Variants in LTV1 observed in about 807,000 individuals in gnomAD.
LTV1 encodes the protein LTV1 ribosome biogenesis factor.
In LTV1, 39 loss-of-function variants were observed where a neutral mutation model predicts 59.9. The ratio of observed to expected loss-of-function variants is 0.65; its 90% CI spans 0.50 to 0.85. The LOEUF (loss-of-function observed/expected upper bound fraction) is 0.85. Among genes scored for constraint, LTV1 ranks in the 40% least tolerant of loss-of-function variants. The pLI is 0.00. For synonymous variants in LTV1, 171 were observed against 189.5 expected, an observed-to-expected ratio of 0.90 and a Z score of 0.80; for missense variants, 493 against 549.1, an observed-to-expected ratio of 0.90 and a Z score of 1.02.
At chr6:143,853,550 T>A (rs1047943146) in intron 4 of LTV1, among the ~76,000 whole-genome samples, 2 of 152,228 alleles carry the variant, frequency 1.3e-5, no homozygotes, top group Non-Finnish European at 2.9e-5. Context: ...TTGTGCCGGT[T>A]TTCAAAGGGA....
chr6:143,850,142 T>G lies in LTV1; in HGVS notation c.321T>G (p.Ile107Met). 6.2e-7 allele frequency: 1 copy of G among 1,613,358 alleles called. No homozygotes were observed. The highest frequency in any genetic ancestry group is 8.5e-7 in the Non-Finnish European group (1 of 1,179,552). The change falls in exon 4 of 11, where the codon ATT (isoleucine) becomes ATG (methionine). Residue 107 changes from isoleucine (I) to methionine (M), a missense_variant. Transcript: ENST00000367576. ...ATTTCTTTTTCAAGAGCACTGGAAT[T>G]AAGTTGCCTTCATCAGTGTTTGCTT... ...EETLVIPSTG[I>M]KLPSSVFASE... is the part of the protein sequence containing the mutation.
rs1305719378 is a variant in LTV1, at chr6:143,857,234, T to C, written c.398-69T>C. ...AGACTCTTGCTATCATAGGTCCTTA[T>C]ATTGTGAGTTAAGTGAATGAATTGT... On this transcript the variant is annotated intron_variant, in intron 4 of 10. Transcript: ENST00000367576. The surrounding 1 kb of genome is among the most constrained non-coding windows in gnomAD (Gnocchi z 5.2). 1.3e-6 allele frequency: 2 copies of C among 1,580,408 alleles called. No homozygotes were observed. The highest frequency in any genetic ancestry group is 1.7e-6 in the Non-Finnish European group (2 of 1,155,604).
Position 143,844,625 on chromosome 6 carries a change from C to G in LTV1, c.135+8C>G, listed in dbSNP as rs1428800762. Reference sequence around the variant, plus strand: ...CTATTGCCCACACAAAAAGTAGGTCCTGTTCTTTAGCCAGTCAGTTTGTAG... The same window carrying G: ...CTATTGCCCACACAAAAAGTAGGTCGTGTTCTTTAGCCAGTCAGTTTGTAG... On this transcript the variant is annotated splice_region_variant and intron_variant, in intron 2 of 10. Coordinates refer to ENST00000367576, the MANE Select transcript of LTV1 (RefSeq NM_032860.5). The G allele has an allele frequency of 6.8e-6, 11 of 1,609,186 alleles. No homozygotes were observed. Among genetic ancestry groups the G allele is most frequent in the Non-Finnish European group, 9.3e-6 (11 of 1,178,622 alleles).
Position 143,862,206 on chromosome 6 carries a change from A to G in LTV1, c.1026A>G (p.Glu342=), listed in dbSNP as rs753363824. 2 of 1,613,700 alleles carry G rather than the reference A, an allele frequency of 1.2e-6. No homozygotes were observed. Among genetic ancestry groups the G allele is most frequent in the Admixed American group, 3.3e-5 (2 of 60,012 alleles). The part of the protein sequence containing the change: ...EEEEMITVVL[E]EAKEKWDCES... Reference sequence around the variant, plus strand: ...AAGAAATGATTACTGTAGTCCTTGAAGAAGCCAAAGAGAAGTGGGATTGTG... The same window carrying G: ...AAGAAATGATTACTGTAGTCCTTGAGGAAGCCAAAGAGAAGTGGGATTGTG... Residue 342 remains glutamate (E), a synonymous_variant, in exon 8 of 11, where the codon GAA becomes GAG. Transcript: ENST00000367576. The surrounding 1 kb of genome is among the most constrained non-coding windows in gnomAD (Gnocchi z 4.2).
chr6:143,862,782 A>G lies in LTV1; in HGVS notation c.1064-62A>G, dbSNP rs760613937. The G allele has an allele frequency of 2.4e-5, 24 of 1,000,258 alleles. No individual in the cohort carries two copies. Among genetic ancestry groups the G allele is most frequent in the Non-Finnish European group, 3.5e-5 (22 of 622,490 alleles). 62.0% of individuals were successfully genotyped at this position (1,000,258 alleles called of 1,614,324 possible). On this transcript the variant is annotated intron_variant, in intron 8 of 10. Transcript: ENST00000367576. This position sits in a 1 kb window ranked among gnomAD's most constrained non-coding sequence, Gnocchi z 4.2. ...AAGGTCAGAAATATAGTAGGAATTCAGTAATGCTTTGTGGAACTGAAAACA... is the reference window on the plus strand; with the variant it reads ...AAGGTCAGAAATATAGTAGGAATTCGGTAATGCTTTGTGGAACTGAAAACA...
At position 143,855,387 on chromosome 6, in the gene LTV1, A is replaced by C. The variant is rs1237232475; in HGVS notation, c.398-1916A>C. 2.4e-4 allele frequency among the ~76,000 whole-genome samples: 37 copies of C among 151,482 alleles called. No homozygotes were observed. Among genetic ancestry groups the C allele is most frequent in the Admixed American group, 2.4e-3 (37 of 15,232 alleles). ...GAATACAGCACACTGATGGGTCTTG[A>C]CTCTTTATCCAATTTGCCAATCTGT... On this transcript the variant is annotated intron_variant, in intron 4 of 10. Coordinates refer to ENST00000367576, the MANE Select transcript of LTV1 (RefSeq NM_032860.5). The surrounding 1 kb of genome is among the most constrained non-coding windows in gnomAD (Gnocchi z 4.6).
intron 1 of LTV1, among the ~76,000 whole-genome samples, chr6:143,844,214 G>T (rs1259068817): frequency 6.6e-6 from 1 of 152,092 alleles, no homozygotes; most frequent in African/African-American, 2.4e-5. Context: ...TGATTTTCTT[G>T]CTAAGAACAG....
In LTV1 at chr6:143,843,359, G is replaced by A; in HGVS notation, c.-119G>A. 8.0e-7 allele frequency: 1 copy of A among 1,255,570 alleles called. No homozygotes were observed. The highest frequency in any genetic ancestry group is 1.2e-6 in the Non-Finnish European group (1 of 864,034). The allele number at this position is 1,255,570 out of a possible 1,614,324, so 77.8% of individuals were successfully genotyped here. On this transcript the variant is annotated 5_prime_UTR_variant, in exon 1 of 11. Transcript: ENST00000367576. Reference sequence around the variant, plus strand: ...CTGGGTGACGTTATCGCCGGGTCCTGGGGCTGCACGTGTGGTGAGGCCTAC... The same window carrying A: ...CTGGGTGACGTTATCGCCGGGTCCTAGGGCTGCACGTGTGGTGAGGCCTAC...
rs542658469 is a variant in LTV1, at chr6:143,852,032, C to G, written c.397+1814C>G. On this transcript the variant is annotated intron_variant, in intron 4 of 10. Coordinates refer to ENST00000367576, the MANE Select transcript of LTV1 (RefSeq NM_032860.5). ...TATTGTGAACAGTGCTACAATAAACCTACGTGTGCATGTGTCTTTATAGTA... is the reference window on the plus strand; with the variant it reads ...TATTGTGAACAGTGCTACAATAAACGTACGTGTGCATGTGTCTTTATAGTA... Among the ~76,000 whole-genome samples, 7 of 152,188 alleles carry G rather than the reference C, an allele frequency of 4.6e-5. No homozygotes were observed. In the South Asian group the frequency reaches 1.2e-3, roughly 27 times the overall value.
intron 4 of LTV1, among the ~76,000 whole-genome samples, chr6:143,851,466 G>A (rs550007058): frequency 1.3e-5 from 2 of 152,224 alleles, no homozygotes; most frequent in African/African-American, 4.8e-5. Context: ...GTTTCTTCTT[G>A]CAGACAAAAG....
In LTV1 at chr6:143,855,645, C is replaced by CA. The variant is rs1214355682; in HGVS notation, c.398-1654dup. 1.3e-5 allele frequency among the ~76,000 whole-genome samples: 2 copies of CA among 152,168 alleles called. No individual in the cohort carries two copies. Among genetic ancestry groups the CA allele is most frequent in the African/African-American group, 2.4e-5 (1 of 41,434 alleles). ...TCTTGTAAGGCAGGCCTGGTGGTGA[C>CA]AAAATCTCTCAGCATTTGCTTATCT... On this transcript the variant is annotated intron_variant, in intron 4 of 10. Transcript: ENST00000367576. This position sits in a 1 kb window ranked among gnomAD's most constrained non-coding sequence, Gnocchi z 4.6.
intron 6 of LTV1, among the ~76,000 whole-genome samples, chr6:143,858,928 A>G (rs1777120816): frequency 6.6e-6 from 1 of 152,152 alleles, no homozygotes; most frequent in Admixed American, 6.5e-5. Context: ...TTTTCCCTTT[A>G]CATATTCTAT....
In LTV1 at chr6:143,860,466, A is replaced by C. The variant is rs1194923776; in HGVS notation, c.836A>C (p.Asp279Ala). 7 of 1,613,540 alleles carry C rather than the reference A, an allele frequency of 4.3e-6. No individual in the cohort carries two copies. The highest frequency in any genetic ancestry group is 5.9e-6 in the Non-Finnish European group (7 of 1,179,746). Residue 279 changes from aspartate (D) to alanine (A), a missense_variant, in exon 7 of 11, where the codon GAT becomes GCT. Asp to Ala is a moderately radical substitution (Grantham distance 126, BLOSUM62 -2). Transcript: ENST00000367576. ...QYDDDEIGAL[D>A]NAELEGSIQV... is the part of the protein sequence containing the mutation. Reference sequence around the variant, plus strand: ...GATGATGATGAAATTGGAGCTCTGGATAATGCAGAATTGGAAGGTTCTATT... The same window carrying C: ...GATGATGATGAAATTGGAGCTCTGGCTAATGCAGAATTGGAAGGTTCTATT...
intron 4 of LTV1, among the ~76,000 whole-genome samples, chr6:143,854,645 G>A (rs937920103): frequency 8.3e-4 from 127 of 152,208 alleles, no homozygotes; most frequent in African/African-American, 2.9e-3. Context: ...GGTATGTTGT[G>A]TCTTTTTTCT....
In LTV1 at chr6:143,843,604, G is replaced by T. The variant is rs748112968; in HGVS notation, c.3+124G>T. The T allele has an allele frequency of 2.7e-4, 343 of 1,291,138 alleles. 1 individual carries two copies. Among genetic ancestry groups the T allele is most frequent in the Non-Finnish European group, 3.6e-4 (331 of 923,832 alleles). 80.0% of individuals were successfully genotyped at this position (1,291,138 alleles called of 1,614,324 possible). ...TCATGCCAGAGGCTGCTTGCGGCAC[G>T]GTACCCCGAAATGGGCCAACGTCAC... On this transcript the variant is annotated intron_variant, in intron 1 of 10. Transcript: ENST00000367576.
At position 143,857,823 on chromosome 6, in the gene LTV1, A is replaced by G. The variant is rs750830284; in HGVS notation, c.611A>G (p.Tyr204Cys). ...GAGAAGGGAGATAGCAATGATGACTATGACTCTGCAGGCCTATTGTCAGAT... is the reference window on the plus strand; with the variant it reads ...GAGAAGGGAGATAGCAATGATGACTGTGACTCTGCAGGCCTATTGTCAGAT... ...DDEKGDSNDDYDSAGLLSDED... is the reference protein window; with the variant it reads ...DDEKGDSNDDCDSAGLLSDED... Residue 204 changes from tyrosine to cysteine, a missense_variant, in exon 6 of 11, where the codon TAT becomes TGT. By Grantham distance (194) the Tyr-to-Cys change is radical (BLOSUM62 -2). Transcript: ENST00000367576. This position sits in a 1 kb window ranked among gnomAD's most constrained non-coding sequence, Gnocchi z 5.2. 20 of 1,614,004 alleles carry G rather than the reference A, an allele frequency of 1.2e-5. No homozygotes were observed. Among genetic ancestry groups the G allele is most frequent in the Middle Eastern group, 1.6e-4 (1 of 6,084 alleles).
At chr6:143,850,098 TAAAC>T in intron 3 of LTV1, 29 bp from the exon 4 acceptor site, 1 of 1,562,654 alleles carries the variant, frequency 6.4e-7, no homozygotes, top group Non-Finnish European at 8.8e-7. Context: ...AATTTCCAAA[TAAAC>T]CTAACCATTG....
At chr6:143,859,478 T>C (rs1777127830) in intron 6 of LTV1, among the ~76,000 whole-genome samples, 1 of 152,224 alleles carries the variant, frequency 6.6e-6, no homozygotes, top group Non-Finnish European at 1.5e-5. Flanking sequence ...TAAAATGGTG[T>C]CTTGGCATGT....
chr6:143,857,842 G>T lies in LTV1; in HGVS notation c.630G>T (p.Leu210Phe), dbSNP rs1253455364. 1.9e-6 allele frequency: 3 copies of T among 1,614,120 alleles called. No individual in the cohort carries two copies. Among genetic ancestry groups the T allele is most frequent in the East Asian group, 4.5e-5 (2 of 44,874 alleles). ...SNDDYDSAGL[L>F]SDEDCMSVPG... Reference sequence around the variant, plus strand: ...ATGACTATGACTCTGCAGGCCTATTGTCAGATGAAGACTGTATGTCTGTGC... The same window carrying T: ...ATGACTATGACTCTGCAGGCCTATTTTCAGATGAAGACTGTATGTCTGTGC... The change falls in exon 6 of 11, where the codon TTG becomes TTT. Residue 210 changes from leucine to phenylalanine, a missense_variant. Transcript: ENST00000367576. The surrounding 1 kb of genome is among the most constrained non-coding windows in gnomAD (Gnocchi z 5.2).
Sources: gnomAD v4.1 joint callset for allele counts (sites outside exome capture counted in the v4.1 genomes callset) on GRCh38, gnomAD v4.1.1 for gene constraint, Gnocchi (gnomAD v3.1) non-coding constraint, MANE v1.5 for transcripts, NCBI Gene and HGNC (gene_info 2026-07-23, HGNC 2026-07-21) for gene names.